Variants in ATP8A2 observed in about 807,000 individuals in gnomAD.
The protein encoded by ATP8A2 is phospholipid-transporting ATPase IB.
ATP8A2 carries 100 observed loss-of-function variants against 165.6 expected under a neutral mutation model. The ratio of observed to expected loss-of-function variants is 0.60; its 90% CI spans 0.51 to 0.71. ATP8A2 has a LOEUF of 0.71. Ranked by LOEUF, ATP8A2 falls within the 30% of genes least tolerant of loss-of-function variation. The pLI is 0.00. For missense variants in ATP8A2, 1,227 were observed against 1,479.5 expected, an observed-to-expected ratio of 0.83 and a Z score of 2.80; for synonymous variants, 543 against 548.8, an observed-to-expected ratio of 0.99 and a Z score of 0.15.
Position 25,720,665 on chromosome 13 carries a change from C to T in ATP8A2, c.2384+21320C>T, listed in dbSNP as rs9581440. ...GCTGATGATGGCTCATCGTGCCCAC[C>T]CCTCAGGTGTGAAACCTCAGAACCA... On this transcript the variant is annotated intron_variant, in intron 25 of 36. Transcript: ENST00000381655. Among the ~76,000 whole-genome samples the T allele has an allele frequency of 5.8e-3, 876 of 152,292 alleles. 14 individuals are homozygous for T. The highest frequency in any genetic ancestry group is 0.02 in the African/African-American group (847 of 41,552).
At chr13:25,794,820 T>TACACAC (rs3053488) in intron 27 of ATP8A2, among the ~76,000 whole-genome samples, 3,839 of 139,542 alleles carry the variant, frequency 0.028, 117 homozygotes, top group East Asian at 0.13. Context: ...TTCCCTCTCC[T>TACACAC]ACACACACAC....
rs571433677 is a variant in ATP8A2 at position 25,796,645 on chromosome 13, C to A, written c.2679+21686C>A. Among the ~76,000 whole-genome samples, 399 of 152,326 alleles carry A rather than the reference C, an allele frequency of 2.6e-3. 2 individuals carry two copies. Among genetic ancestry groups the A allele is most frequent in the Non-Finnish European group, 4.8e-3 (326 of 68,036 alleles). The stretch of plus-strand genomic sequence containing the variant: ...AGCACTAGCCCAGAGGGAAGTATTT[C>A]TCCACACTCACTTGAAATGGCCACT... On this transcript the variant is annotated intron_variant, in intron 27 of 36. Coordinates refer to ENST00000381655, the MANE Select transcript of ATP8A2 (RefSeq NM_016529.6).
At chr13:25,965,113 C>T (rs767744621) in intron 34 of ATP8A2, among the ~76,000 whole-genome samples, 1 of 152,122 alleles carries the variant, frequency 6.6e-6, no homozygotes, top group Non-Finnish European at 1.5e-5. Context: ...GAGCCGAGAT[C>T]GCACCAATTG....
At chr13:25,709,545 A>G (rs953504463) in intron 25 of ATP8A2, among the ~76,000 whole-genome samples, 11 of 152,218 alleles carry the variant, frequency 7.2e-5, no homozygotes, top group Non-Finnish European at 1.5e-4. Flanking sequence ...ACAGAATAAC[A>G]ATAGTAGGGA....
chr13:25,487,785 A>G (rs914751866), intron 2 of ATP8A2, among the ~76,000 whole-genome samples: 5 of 152,194 alleles, frequency 3.3e-5, no homozygotes, highest in African/African-American at 1.2e-4. Context: ...TATCATGGAG[A>G]ACTTTAAATT....
chr13:25,557,268 C>G (rs888586063), intron 13 of ATP8A2, among the ~76,000 whole-genome samples: 15 of 152,300 alleles, frequency 9.8e-5, no homozygotes, highest in African/African-American at 2.9e-4. Context: ...AGCACAAATC[C>G]TCCCATTGCC....
intron 1 of ATP8A2, chr13:25,468,729 C>T (rs2035742382): frequency 5.3e-5 from 34 of 636,370 alleles, no homozygotes; most frequent in Non-Finnish European, 6.6e-5. Flanking sequence ...CGGGGCGGGG[C>T]TCGCTCCACA....
intron 24 of ATP8A2, among the ~76,000 whole-genome samples, chr13:25,605,072 G>T (rs2040481875): frequency 6.6e-6 from 1 of 152,224 alleles, no homozygotes; most frequent in Non-Finnish European, 1.5e-5. Flanking sequence ...TGGTTCTTAA[G>T]CTGAGATAAC....
At chr13:25,655,372 C>G (rs1234364746) in intron 24 of ATP8A2, among the ~76,000 whole-genome samples, 1 of 152,178 alleles carries the variant, frequency 6.6e-6, no homozygotes, top group East Asian at 1.9e-4. Context: ...GTTGGCCAGG[C>G]TGGTCTCGAA....
intron 24 of ATP8A2, among the ~76,000 whole-genome samples, chr13:25,590,292 G>A (rs2040034879): frequency 6.6e-6 from 1 of 152,104 alleles, no homozygotes; most frequent in Non-Finnish European, 1.5e-5. Flanking sequence ...AGCCGTGGTG[G>A]CATATGCCTG....
chr13:25,968,086 G>A (rs1356595844), intron 34 of ATP8A2, among the ~76,000 whole-genome samples: 2 of 152,168 alleles, frequency 1.3e-5, no homozygotes, highest in African/African-American at 2.4e-5. Context: ...TAAGCCCCGT[G>A]GCTGCTGTGG....
intron 33 of ATP8A2, among the ~76,000 whole-genome samples, chr13:25,869,640 T>G (rs1425599631): frequency 6.6e-6 from 1 of 152,198 alleles, no homozygotes; most frequent in South Asian, 2.1e-4. Context: ...ATAAGACATG[T>G]CAGTAACAGT....
At chr13:25,834,393 G>A (rs1360065473) in intron 28 of ATP8A2, among the ~76,000 whole-genome samples, 1 of 152,126 alleles carries the variant, frequency 6.6e-6, no homozygotes, top group Admixed American at 6.5e-5. Context: ...TAACTCTCCT[G>A]CTGGGCCTTC....
intron 23 of ATP8A2, among the ~76,000 whole-genome samples, chr13:25,583,762 AGCCT>A (rs560061460): frequency 2.4e-4 from 36 of 152,340 alleles, no homozygotes; most frequent in African/African-American, 7.7e-4. Context: ...GGCTGCTCTG[AGCCT>A]TATGAGATAA....
At position 25,808,325 on chromosome 13, in the gene ATP8A2, A is replaced by G. The variant is rs766151072; in HGVS notation, c.2680-19793A>G. On this transcript the variant is annotated intron_variant, in intron 27 of 36. Coordinates refer to ENST00000381655, the MANE Select transcript of ATP8A2 (RefSeq NM_016529.6). ...TTTAAATTTTTTGTAGAGGCCAGGCATGGTGGCTCACTCTTGTAATCCCAG... is the reference window on the plus strand; with the variant it reads ...TTTAAATTTTTTGTAGAGGCCAGGCGTGGTGGCTCACTCTTGTAATCCCAG... Among the ~76,000 whole-genome samples, 6 of 152,142 alleles carry G rather than the reference A, an allele frequency of 3.9e-5. No homozygotes were observed. In the East Asian group the frequency reaches 5.8e-4, roughly 15 times the overall value.
At chr13:25,639,398 A>T (rs918991402) in intron 24 of ATP8A2, among the ~76,000 whole-genome samples, 5 of 152,190 alleles carry the variant, frequency 3.3e-5, no homozygotes, top group African/African-American at 1.2e-4. Flanking sequence ...AAATAAAGGG[A>T]TGGAGGAAGA....
At chr13:25,474,173 T>C (rs1171830402) in intron 2 of ATP8A2, among the ~76,000 whole-genome samples, 1 of 149,802 alleles carries the variant, frequency 6.7e-6, no homozygotes, top group Admixed American at 6.8e-5. Flanking sequence ...AGTTACTGCA[T>C]TTCTTCAGGT....
intron 35 of ATP8A2, among the ~76,000 whole-genome samples, chr13:25,977,222 C>T (rs1040467114): frequency 4.6e-5 from 7 of 152,208 alleles, no homozygotes; most frequent in South Asian, 2.1e-4. Context: ...TAATTGAATG[C>T]GTTTAATCTT....
Position 25,738,343 on chromosome 13 carries a change from C to T in ATP8A2, c.2385-30703C>T, listed in dbSNP as rs866773196. Among the ~76,000 whole-genome samples the T allele has an allele frequency of 3.9e-3, 399 of 102,296 alleles. 6 individuals are homozygous for T. Among genetic ancestry groups the T allele is most frequent in the African/African-American group, 0.025 (369 of 14,752 alleles). The allele number at this position is 102,296 out of a possible 152,430, so 67.1% of individuals were successfully genotyped here. On this transcript the variant is annotated intron_variant, in intron 25 of 36. Coordinates refer to ENST00000381655, the MANE Select transcript of ATP8A2 (RefSeq NM_016529.6). The stretch of plus-strand genomic sequence containing the variant: ...TTTTTTTCTTTTTGTGCCCCCCTCC[C>T]CCCCCCCCACACACACTTCTTCTGG...
Sources: gnomAD v4.1 joint callset for allele counts (sites outside exome capture counted in the v4.1 genomes callset) on GRCh38, gnomAD v4.1.1 for gene constraint, MANE v1.5 for transcripts, NCBI Gene and HGNC (gene_info 2026-07-23, HGNC 2026-07-21) for gene names.